The following UNC5C variants were observed in gnomAD, a reference collection of about 807,000 sequenced individuals.
UNC5C encodes the protein netrin receptor UNC5C.
Under a neutral mutation model 99.8 loss-of-function variants are expected in UNC5C, and 47 were observed. The observed-to-expected ratio is 0.47, with a 90% confidence interval of 0.37 to 0.60. The LOEUF is 0.60. Ranked by LOEUF, UNC5C falls within the 20% of genes least tolerant of loss-of-function variation. The pLI, the probability that UNC5C is intolerant of heterozygous loss-of-function variation, is 0.00. For missense variants in UNC5C, 1,062 were observed against 1,165.9 expected, an observed-to-expected ratio of 0.91 and a Z score of 1.30; for synonymous variants, 487 against 452.2, an observed-to-expected ratio of 1.08 and a Z score of -0.98.
intron 1 of UNC5C, among the ~76,000 whole-genome samples, chr4:95,518,814 T>G (rs766529353): frequency 1.3e-5 from 2 of 152,180 alleles, no homozygotes; most frequent in Non-Finnish European, 2.9e-5. Context: ...AAGATTTAAG[T>G]CCTTATAAGT....
At chr4:95,342,403 C>T (rs1320192775) in intron 1 of UNC5C, among the ~76,000 whole-genome samples, 3 of 152,088 alleles carry the variant, frequency 2.0e-5, no homozygotes, top group Non-Finnish European at 1.5e-5. Context: ...TCTAGAGCCG[C>T]TTTGGGCCAG....
At chr4:95,539,849 C>T (rs533864846) in intron 1 of UNC5C, among the ~76,000 whole-genome samples, 11 of 151,752 alleles carry the variant, frequency 7.2e-5, no homozygotes, top group Admixed American at 2.6e-4. Context: ...TCTAATAAAT[C>T]CAATAAAATG....
At chr4:95,199,962 C>T (rs889270985) in intron 12 of UNC5C, among the ~76,000 whole-genome samples, 3 of 152,158 alleles carry the variant, frequency 2.0e-5, no homozygotes, top group African/African-American at 4.8e-5. Flanking sequence ...AACTTTTATT[C>T]GACATCAGAA....
chr4:95,442,391 A>G (rs1397449515), intron 1 of UNC5C, among the ~76,000 whole-genome samples: 1 of 95,506 alleles, frequency 1.0e-5, no homozygotes, highest in South Asian at 3.1e-4. Context: ...TTTTTTTTGT[A>G]GAGACAGGGT....
chr4:95,514,726 G>T (rs1346121006), intron 1 of UNC5C, among the ~76,000 whole-genome samples: 8 of 151,148 alleles, frequency 5.3e-5, no homozygotes, highest in Admixed American at 2.0e-4. Flanking sequence ...AGGCTGGTGT[G>T]CAATGGCGAG....
At chr4:95,302,553 G>A (rs555268139) in intron 2 of UNC5C, among the ~76,000 whole-genome samples, 33 of 150,678 alleles carry the variant, frequency 2.2e-4, no homozygotes, top group African/African-American at 8.0e-4. Flanking sequence ...CTGAGCAAGA[G>A]GGGTTATCTG....
In UNC5C at chr4:95,511,023, T is replaced by C. The variant is rs145570918; in HGVS notation, c.124+37711A>G. ...ATTTCTGTTGAATATAAAAGGACAC[T>C]GATACCCTGGGGATATTGATTCAGA... On this transcript the variant is annotated intron_variant, in intron 1 of 15. Coordinates refer to ENST00000453304, the MANE Select transcript of UNC5C (RefSeq NM_003728.4). Among the ~76,000 whole-genome samples, 21 of 152,248 alleles carry C rather than the reference T, an allele frequency of 1.4e-4. No individual in the cohort carries two copies. The East Asian group carries it at 3.7e-3, about 27-fold the overall frequency.
intron 10 of UNC5C, 106 bp from the exon 11 acceptor site, chr4:95,206,902 CTTTTTT>C (rs35063112): frequency 9.8e-6 from 5 of 510,854 alleles, no homozygotes; most frequent in Non-Finnish European, 8.9e-6. Context: ...TCCTGGAATT[CTTTTTT>C]TTTTTTTTTT....
At chr4:95,481,618 G>T (rs1411878852) in intron 1 of UNC5C, among the ~76,000 whole-genome samples, 11 of 152,172 alleles carry the variant, frequency 7.2e-5, no homozygotes, top group Admixed American at 3.3e-4. Flanking sequence ...TATCTACAAG[G>T]CTACAGTAAC....
intron 1 of UNC5C, among the ~76,000 whole-genome samples, chr4:95,390,083 T>C (rs1331039748): frequency 6.6e-6 from 1 of 152,120 alleles, no homozygotes; most frequent in Admixed American, 6.5e-5. Flanking sequence ...ATAATCTCCA[T>C]TCTAGTTGCT....
intron 13 of UNC5C, among the ~76,000 whole-genome samples, chr4:95,184,757 T>C (rs1052381055): frequency 1.3e-5 from 2 of 152,188 alleles, no homozygotes; most frequent in Non-Finnish European, 2.9e-5. Context: ...TTTTTACCCA[T>C]TGATGTGAAC....
At chr4:95,170,993 A>T (rs984808127) in intron 14 of UNC5C, among the ~76,000 whole-genome samples, 2 of 152,224 alleles carry the variant, frequency 1.3e-5, no homozygotes, top group African/African-American at 2.4e-5. Flanking sequence ...CTTATTTTTT[A>T]AAAATCTAAT....
chr4:95,416,497 G>T (rs1746169250), intron 1 of UNC5C, among the ~76,000 whole-genome samples: 1 of 152,112 alleles, frequency 6.6e-6, no homozygotes, highest in African/African-American at 2.4e-5. Flanking sequence ...GCACTCCTCT[G>T]CTGTCATATT....
intron 7 of UNC5C, among the ~76,000 whole-genome samples, chr4:95,232,312 G>A (rs919562163): frequency 6.6e-6 from 1 of 150,906 alleles, no homozygotes; most frequent in Non-Finnish European, 1.5e-5. Context: ...ATTATATAAT[G>A]GACTCTATCC....
chr4:95,498,792 T>C (rs1489756413), intron 1 of UNC5C, among the ~76,000 whole-genome samples: 1 of 152,040 alleles, frequency 6.6e-6, no homozygotes, highest in Non-Finnish European at 1.5e-5. Flanking sequence ...AGTTGATTTG[T>C]ATGAAATGAC....
At chr4:95,295,616 C>T (rs1351553712) in intron 3 of UNC5C, among the ~76,000 whole-genome samples, 1 of 152,174 alleles carries the variant, frequency 6.6e-6, no homozygotes, top group Non-Finnish European at 1.5e-5. Context: ...CTCCACAGTA[C>T]ATCAAATGAG....
intron 1 of UNC5C, among the ~76,000 whole-genome samples, chr4:95,481,773 T>A (rs1315053645): frequency 2.6e-5 from 4 of 152,126 alleles, no homozygotes; most frequent in Non-Finnish European, 5.9e-5. Flanking sequence ...ATTCCCTATT[T>A]AATAAATAGT....
At chr4:95,347,250 G>T (rs1743809875) in intron 1 of UNC5C, among the ~76,000 whole-genome samples, 1 of 151,952 alleles carries the variant, frequency 6.6e-6, no homozygotes, top group Admixed American at 6.6e-5. Flanking sequence ...ATTGACAGAA[G>T]AAATTGAAGA....
Position 95,278,254 on chromosome 4 carries a change from T to G in UNC5C, c.594+5A>C. 6.8e-6 allele frequency: 11 copies of G among 1,611,814 alleles called. No individual in the cohort carries two copies. The highest frequency in any genetic ancestry group is 9.3e-6 in the Non-Finnish European group (11 of 1,177,930). On this transcript the variant is annotated splice_donor_5th_base_variant and intron_variant, in intron 4 of 15. Coordinates refer to ENST00000453304, the MANE Select transcript of UNC5C (RefSeq NM_003728.4). ...TGCTAAATGCAAAGAATTGTTGTTA[T>G]TCACCTCAGCCACTGGGATCCCTTC...
Sources: allele counts gnomAD v4.1 joint callset (sites outside exome capture counted in the v4.1 genomes callset), GRCh38; gene constraint gnomAD v4.1.1; transcripts MANE v1.5; gene names NCBI Gene and HGNC (gene_info 2026-07-23, HGNC 2026-07-21).